DMKN: variants seen among roughly 807,000 people sequenced by gnomAD.
The protein encoded by DMKN is dermokine.
DMKN carries 58 observed loss-of-function variants against 67.6 expected under a neutral mutation model. That is an observed-to-expected ratio of 0.86 (90% CI 0.69 to 1.07). The LOEUF (loss-of-function observed/expected upper bound fraction) is 1.07, where lower values mean the gene tolerates loss of function less well. Ranked by LOEUF, DMKN falls within the 50% of genes least tolerant of loss-of-function variation. DMKN has a pLI of 0.00. For missense variants in DMKN, 596 were observed against 601.5 expected (o/e 0.99, Z 0.10); for synonymous variants, 240 against 232.3 (o/e 1.03, Z -0.30).
rs935646324 is a variant in DMKN, at chr19:35,503,538, C to T, written c.1135-652G>A. ...TCGCCCAGGCTGGAGTGCAGTGGCACGATATCAGCTCACCGCAACCTCCGC... is the reference window on the plus strand; with the variant it reads ...TCGCCCAGGCTGGAGTGCAGTGGCATGATATCAGCTCACCGCAACCTCCGC... On this transcript the variant is annotated intron_variant, in intron 9 of 15. Transcript: ENST00000339686. 1.1e-5 allele frequency: 16 copies of T among 1,502,720 alleles called. No individual in the cohort carries two copies. The South Asian group carries it at 1.1e-4, about 11-fold the overall frequency. 93.1% of individuals were successfully genotyped at this position (1,502,720 alleles called of 1,614,324 possible).
intron 3 of DMKN, 124 bp from the exon 4 acceptor site, chr19:35,511,937 C>T: frequency 1.9e-6 from 2 of 1,064,712 alleles, no homozygotes; most frequent in Non-Finnish European, 2.6e-6. Flanking sequence ...TAATGTGTTT[C>T]TCCCACCTCC....
chr19:35,500,417 C>G, intron 12 of DMKN, 116 bp downstream of exon 12: 1 of 1,552,408 alleles, frequency 6.4e-7, no homozygotes, highest in Non-Finnish European at 8.7e-7. Flanking sequence ...ATCCTGCACC[C>G]GGCTGAGAAA....
intron 9 of DMKN, 94 bp from the exon 10 acceptor site, chr19:35,502,980 G>T: frequency 7.3e-7 from 1 of 1,369,924 alleles, no homozygotes; most frequent in Non-Finnish European, 1.0e-6. Flanking sequence ...CCTTCAGAAT[G>T]TCATTGTGAC....
chr19:35,511,520 C>CTG lies in DMKN; in HGVS notation c.808_809insCA (p.Gly270AlafsTer108), dbSNP rs2070816803. On this transcript the variant is annotated frameshift_variant, in exon 5 of 16. Coordinates refer to ENST00000339686, the MANE Select transcript of DMKN (RefSeq NM_033317.5). LOFTEE classifies it high-confidence loss of function. ...ACTGCTGCTGCCACTGCTGCTGCCACCACTGCTGCTGCCATTGTTGTTGTC... is the reference window on the plus strand; with the variant it reads ...ACTGCTGCTGCCACTGCTGCTGCCACTGCACTGCTGCTGCCATTGTTGTTGTC... 1 of 1,510,874 alleles carries CTG rather than the reference C, an allele frequency of 6.6e-7. No homozygotes were observed. The highest frequency in any genetic ancestry group is 8.8e-7 in the Non-Finnish European group (1 of 1,130,370). 93.6% of individuals were successfully genotyped at this position (1,510,874 alleles called of 1,614,324 possible).
chr19:35,498,801 G>T, intron 14 of DMKN, 38 bp from the exon 15 acceptor site: 2 of 1,614,128 alleles, frequency 1.2e-6, no homozygotes, highest in Non-Finnish European at 8.5e-7. Context: ...GCCACCACAG[G>T]GTCCCTTCCA....
At chr19:35,501,131 G>A (rs1403196322) in intron 11 of DMKN, among the ~76,000 whole-genome samples, 2 of 152,138 alleles carry the variant, frequency 1.3e-5, no homozygotes, top group Admixed American at 1.3e-4. Flanking sequence ...CCCAGCCCCA[G>A]CGCAAGAGGA....
At chr19:35,499,897 C>G in intron 13 of DMKN, 61 bp downstream of exon 13, 2 of 1,587,206 alleles carry the variant, frequency 1.3e-6, no homozygotes, top group Non-Finnish European at 1.7e-6. Flanking sequence ...CAGTGAAAGC[C>G]TCTCTCCCCA....
intron 7 of DMKN, chr19:35,506,783 G>A (rs182688565): frequency 2.9e-4 from 79 of 274,350 alleles, no homozygotes; most frequent in African/African-American, 1.7e-3. Flanking sequence ...AGAGGCCGAG[G>A]TGGGTGGATC....
rs769403262 is a variant in DMKN, at chr19:35,503,464, GTTTTTTTTTGTTTTTTTT to G, written c.1135-596_1135-579del. On this transcript the variant is annotated intron_variant, in intron 9 of 15. Coordinates refer to ENST00000339686, the MANE Select transcript of DMKN (RefSeq NM_033317.5). The stretch of plus-strand genomic sequence containing the variant: ...TCTCTGGTCCTGGGCAAAGAAACAG[GTTTTTTTTTGTTTTTTTT>G]TTTTTTTTTTTGAGATGGAGTCTCG... The G allele has an allele frequency of 3.4e-6, 5 of 1,458,540 alleles. No homozygotes were observed. The African/African-American group carries it at 8.3e-5, about 24-fold the overall frequency. 90.3% of individuals were successfully genotyped at this position (1,458,540 alleles called of 1,614,324 possible).
chr19:35,508,296 C>G (rs77995042), intron 7 of DMKN: 21 of 1,544,470 alleles, frequency 1.4e-5, no homozygotes, highest in African/African-American at 5.5e-5. Context: ...AGGCCACCCC[C>G]GAAAATTAAT....
chr19:35,502,706 A>G (rs2068628304), intron 10 of DMKN, 124 bp downstream of exon 10: 11 of 914,266 alleles, frequency 1.2e-5, no homozygotes, highest in Admixed American at 8.9e-5. Context: ...CTCTGTCTCA[A>G]AAAAAAAAAG....
At chr19:35,510,580 A>T in intron 5 of DMKN, 2 of 1,503,682 alleles carry the variant, frequency 1.3e-6, no homozygotes, top group South Asian at 2.5e-5. Context: ...AGTGGAAGGG[A>T]CCCTAGAGCC....
In DMKN at chr19:35,508,503, A is replaced by G. The variant is rs528394826; in HGVS notation, c.1038+1408T>C. The G allele has an allele frequency of 2.4e-5, 8 of 335,894 alleles. 1 individual carries two copies. The East Asian group carries it at 4.6e-4, about 19-fold the overall frequency. 20.8% of individuals were successfully genotyped at this position (335,894 alleles called of 1,614,324 possible). A position where few individuals can be genotyped will look rare whatever the true frequency, so the allele number is the denominator to read the frequency against. ...ACCATAAATAAAGCAGTCCTGTCCG[A>G]CAGAATTCCCAGAAACTCCCCAAAA... On this transcript the variant is annotated intron_variant, in intron 7 of 15. Coordinates refer to ENST00000339686, the MANE Select transcript of DMKN (RefSeq NM_033317.5).
intron 9 of DMKN, chr19:35,503,424 C>A (rs905532355): frequency 6.5e-7 from 1 of 1,549,218 alleles, no homozygotes; most frequent in Admixed American, 2.0e-5. Context: ...CTGGAGGTCA[C>A]GGGATGCGAG....
chr19:35,501,881 G>A, intron 11 of DMKN: 6 of 1,582,946 alleles, frequency 3.8e-6, no homozygotes, highest in Non-Finnish European at 5.2e-6. Flanking sequence ...CAGAGCAGAG[G>A]CAGTGGCCGG....
chr19:35,498,491 G>A, intron 15 of DMKN: 1 of 616,338 alleles, frequency 1.6e-6, no homozygotes, highest in Non-Finnish European at 2.8e-6. Context: ...TTACAGGCAT[G>A]AGCCACTGCA....
intron 10 of DMKN, 81 bp downstream of exon 10, chr19:35,502,749 A>G: frequency 6.9e-7 from 1 of 1,442,392 alleles, no homozygotes. Context: ...GTTGGAGCAG[A>G]GGGTGGCTGC....
intron 9 of DMKN, among the ~76,000 whole-genome samples, chr19:35,504,595 C>A (rs1207869845): frequency 2.9e-4 from 37 of 129,748 alleles, no homozygotes; most frequent in South Asian, 1.2e-3. Flanking sequence ...AAAAAAAAAA[C>A]AAAAGAAAGA....
At chr19:35,501,656 C>T (rs2145902747) in intron 11 of DMKN, 1 of 652,844 alleles carries the variant, frequency 1.5e-6, no homozygotes, top group South Asian at 2.7e-5. Flanking sequence ...CCCCATCCTC[C>T]CTGACCCAGG....
Sources: gnomAD v4.1 joint callset for allele counts (sites outside exome capture counted in the v4.1 genomes callset) on GRCh38, gnomAD v4.1.1 for gene constraint, MANE v1.5 for transcripts, NCBI Gene and HGNC (gene_info 2026-07-23, HGNC 2026-07-21) for gene names.